The following UNC5D variants were observed in gnomAD, a reference collection of about 807,000 sequenced individuals.
UNC5D encodes unc-5 netrin receptor D, also known as netrin receptor UNC5D.
A neutral mutation model predicts 105.4 loss-of-function variants in UNC5D; 39 were observed. The ratio of observed to expected loss-of-function variants is 0.37; its 90% confidence interval spans 0.29 to 0.48. The LOEUF (loss-of-function observed/expected upper bound fraction) is 0.48, where lower values mean the gene tolerates loss of function less well. Among genes scored for constraint, UNC5D ranks in the 20% least tolerant of loss-of-function variants. UNC5D has a pLI of 0.98. For synonymous variants in UNC5D, 452 were observed against 450.4 expected, an observed-to-expected ratio of 1.00 and a Z score of -0.04; for missense variants, 991 against 1,202.4, an observed-to-expected ratio of 0.82 and a Z score of 2.60.
At chr8:35,266,422 CA>C (rs1804875754) in intron 1 of UNC5D, among the ~76,000 whole-genome samples, 1 of 152,154 alleles carries the variant, frequency 6.6e-6, no homozygotes, top group African/African-American at 2.4e-5. Context: ...GGTATTAGAA[CA>C]AACTAGTCAT....
chr8:35,463,660 C>A (rs1809071455), intron 1 of UNC5D, among the ~76,000 whole-genome samples: 2 of 151,554 alleles, frequency 1.3e-5, no homozygotes, highest in Admixed American at 6.6e-5. Context: ...GTGGCACACA[C>A]CTGCCGTCCC....
At chr8:35,239,216 GT>G (rs1802654585) in intron 1 of UNC5D, among the ~76,000 whole-genome samples, 2 of 152,110 alleles carry the variant, frequency 1.3e-5, no homozygotes, top group Non-Finnish European at 2.9e-5. Flanking sequence ...TGGGTCTGTG[GT>G]TCTTTAAGTA....
At chr8:35,688,057 G>A (rs1034107219) in intron 7 of UNC5D, among the ~76,000 whole-genome samples, 8 of 151,696 alleles carry the variant, frequency 5.3e-5, no homozygotes, top group South Asian at 2.1e-4. Flanking sequence ...GCGTGAACCC[G>A]GGAGGCGGAG....
At chr8:35,776,749 GT>G (rs1213554658) in intron 16 of UNC5D, among the ~76,000 whole-genome samples, 1 of 152,118 alleles carries the variant, frequency 6.6e-6, no homozygotes, top group African/African-American at 2.4e-5. Flanking sequence ...ATAAATGCTA[GT>G]TTTCCCCCTT....
At chr8:35,418,897 C>T (rs1028861750) in intron 1 of UNC5D, among the ~76,000 whole-genome samples, 8 of 152,102 alleles carry the variant, frequency 5.3e-5, no homozygotes, top group Admixed American at 2.0e-4. Flanking sequence ...AAGTGGTAGA[C>T]GTGGATATTT....
At chr8:35,666,520 C>T (rs142235151) in intron 4 of UNC5D, among the ~76,000 whole-genome samples, 10 of 150,720 alleles carry the variant, frequency 6.6e-5, no homozygotes, top group South Asian at 2.1e-4. Context: ...TGTAGTGTTG[C>T]GAAGCCCAAA....
rs1209071123 is a variant in UNC5D at position 35,555,896 on chromosome 8, CA to C, written c.322+6387del. Among the ~76,000 whole-genome samples, 311 of 149,080 alleles carry C rather than the reference CA, an allele frequency of 2.1e-3. 14 individuals carry two copies. Among genetic ancestry groups the C allele is most frequent in the African/African-American group, 7.2e-3 (292 of 40,590 alleles). On this transcript the variant is annotated intron_variant, in intron 2 of 16. Transcript: ENST00000404895. ...AACAGCACACACACACACACACACACACACACACACACACACACACACACAC... is the reference window on the plus strand; with the variant it reads ...AACAGCACACACACACACACACACACCACACACACACACACACACACACAC...
At chr8:35,642,629 C>T (rs1020518018) in intron 4 of UNC5D, among the ~76,000 whole-genome samples, 1 of 152,060 alleles carries the variant, frequency 6.6e-6, no homozygotes, top group Non-Finnish European at 1.5e-5. Flanking sequence ...GCCTACCCAT[C>T]AAATCAATCT....
At chr8:35,399,017 C>T (rs1804278446) in intron 1 of UNC5D, among the ~76,000 whole-genome samples, 2 of 151,656 alleles carry the variant, frequency 1.3e-5, no homozygotes, top group Admixed American at 6.6e-5. Context: ...TGGTGGCATG[C>T]ACCTGTAGTC....
intron 4 of UNC5D, among the ~76,000 whole-genome samples, chr8:35,670,356 C>CTAT (rs1032789266): frequency 6.6e-6 from 1 of 151,970 alleles, no homozygotes; most frequent in Non-Finnish European, 1.5e-5. Context: ...TTTTGTTTAC[C>CTAT]TATTTTTTAA....
At chr8:35,327,774 G>C (rs552878356) in intron 1 of UNC5D, among the ~76,000 whole-genome samples, 85 of 152,220 alleles carry the variant, frequency 5.6e-4, no homozygotes, top group Non-Finnish European at 1.1e-3. Flanking sequence ...CTGAGTTAAA[G>C]TTCCAAGCTC....
intron 7 of UNC5D, among the ~76,000 whole-genome samples, chr8:35,703,305 T>C (rs973485423): frequency 6.6e-6 from 1 of 152,176 alleles, no homozygotes; most frequent in African/African-American, 2.4e-5. Flanking sequence ...GCTGCATGGA[T>C]TTCCAGTTAT....
intron 1 of UNC5D, among the ~76,000 whole-genome samples, chr8:35,430,320 G>A (rs1177696293): frequency 1.3e-5 from 2 of 151,898 alleles, no homozygotes; most frequent in Non-Finnish European, 2.9e-5. Flanking sequence ...CTGGAGGCTG[G>A]CACACCCTGA....
intron 1 of UNC5D, among the ~76,000 whole-genome samples, chr8:35,284,471 A>G (rs1307831155): frequency 6.6e-6 from 1 of 152,230 alleles, no homozygotes; most frequent in Non-Finnish European, 1.5e-5. Context: ...ATCTTTATCC[A>G]TTATCACTGG....
intron 1 of UNC5D, among the ~76,000 whole-genome samples, chr8:35,387,097 A>C (rs898966048): frequency 2.6e-5 from 4 of 151,836 alleles, no homozygotes; most frequent in African/African-American, 9.7e-5. Context: ...GCAGTGGCTC[A>C]CACCTGTAAT....
chr8:35,347,735 G>C (rs1009475782), intron 1 of UNC5D, among the ~76,000 whole-genome samples: 1 of 151,934 alleles, frequency 6.6e-6, no homozygotes, highest in African/African-American at 2.4e-5. Flanking sequence ...CTCAAGATCG[G>C]TGCTCTTTGT....
At chr8:35,516,065 C>A (rs569984343) in intron 1 of UNC5D, among the ~76,000 whole-genome samples, 3 of 152,052 alleles carry the variant, frequency 2.0e-5, no homozygotes, top group Non-Finnish European at 1.5e-5. Context: ...TTTTTTATGT[C>A]ATTTATCATC....
At chr8:35,455,281 C>CT (rs55848948) in intron 1 of UNC5D, among the ~76,000 whole-genome samples, 3,323 of 142,118 alleles carry the variant, frequency 0.023, 111 homozygotes, top group African/African-American at 0.074. Context: ...GGAATGGATA[C>CT]TTTTTTTTTT....
intron 1 of UNC5D, chr8:35,525,358 C>A: frequency 6.2e-7 from 1 of 1,612,182 alleles, no homozygotes; most frequent in Non-Finnish European, 8.5e-7. Context: ...TCTTCCATGA[C>A]TACGATGTTT....
Sources: gnomAD v4.1 joint callset for allele counts (sites outside exome capture counted in the v4.1 genomes callset) on GRCh38, gnomAD v4.1.1 for gene constraint, MANE v1.5 for transcripts, NCBI Gene and HGNC (gene_info 2026-07-23, HGNC 2026-07-21) for gene names.